CDH8: variants seen among roughly 807,000 people sequenced by gnomAD.
CDH8 encodes the protein cadherin-8.
CDH8 carries 17 observed loss-of-function variants against 68.1 expected under a neutral mutation model. The ratio of observed to expected loss-of-function variants is 0.25; its 90% CI spans 0.17 to 0.37. The LOEUF (loss-of-function observed/expected upper bound fraction) is 0.37, where lower values mean the gene tolerates loss of function less well. CDH8 is among the 10% of genes least tolerant of loss of function. CDH8 has a pLI of 1.00. For missense variants in CDH8, 763 were observed against 999.3 expected (o/e 0.76, Z 3.19); for synonymous variants, 372 against 365.1 (o/e 1.02, Z -0.21).
At chr16:61,903,068 AG>A (rs1964005131) in intron 2 of CDH8, among the ~76,000 whole-genome samples, 1 of 152,180 alleles carries the variant, frequency 6.6e-6, no homozygotes, top group Admixed American at 6.5e-5. Flanking sequence ...TTCACATACA[AG>A]GAGTTCTTGA....
intron 2 of CDH8, among the ~76,000 whole-genome samples, chr16:61,913,674 G>T (rs1964194657): frequency 6.6e-6 from 1 of 151,924 alleles, no homozygotes; most frequent in Non-Finnish European, 1.5e-5. Flanking sequence ...TTGAAATTTG[G>T]CTGAAAACTA....
chr16:61,791,220 G>C (rs1415530584), intron 7 of CDH8, among the ~76,000 whole-genome samples: 1 of 151,900 alleles, frequency 6.6e-6, no homozygotes, highest in African/African-American at 2.4e-5. Flanking sequence ...CAGGATAATT[G>C]AAGAAATTCA....
chr16:61,706,103 A>C (rs1471882811), intron 10 of CDH8, among the ~76,000 whole-genome samples: 1 of 152,208 alleles, frequency 6.6e-6, no homozygotes, highest in Non-Finnish European at 1.5e-5. Context: ...TGGGGAAAAC[A>C]TTCCTTGAGT....
intron 8 of CDH8, among the ~76,000 whole-genome samples, chr16:61,732,262 C>T (rs528419933): frequency 1.4e-4 from 21 of 151,596 alleles, no homozygotes; most frequent in Admixed American, 2.6e-4. Context: ...CTAAAACTTC[C>T]CCAACAAACT....
At chr16:61,735,516 T>C (rs747082589) in intron 8 of CDH8, among the ~76,000 whole-genome samples, 1 of 148,770 alleles carries the variant, frequency 6.7e-6, no homozygotes, top group Non-Finnish European at 1.5e-5. Context: ...CTTATTATTC[T>C]TCTATTCAGT....
At chr16:61,808,874 C>A (rs555116610) in intron 7 of CDH8, among the ~76,000 whole-genome samples, 1 of 152,074 alleles carries the variant, frequency 6.6e-6, no homozygotes. Context: ...AAAAGGATGA[C>A]GGTGGCTGTG....
chr16:61,957,884 T>G (rs1003991872), intron 2 of CDH8, among the ~76,000 whole-genome samples: 3 of 152,194 alleles, frequency 2.0e-5, no homozygotes, highest in African/African-American at 7.2e-5. Flanking sequence ...CATCTTTATA[T>G]TCCAAGAACC....
At chr16:61,922,051 C>T (rs1018260487) in intron 2 of CDH8, among the ~76,000 whole-genome samples, 4 of 151,974 alleles carry the variant, frequency 2.6e-5, no homozygotes, top group East Asian at 1.9e-4. Context: ...GAGGTCACAT[C>T]GATTCTAAGC....
chr16:62,015,004 AC>A lies in CDH8; in HGVS notation c.252+6147del, dbSNP rs1201011423. ...TGAGCCAAAAATCGATGTTACATATACCCCCCCACCACAAACACACACACAC... is the reference window on the plus strand; with the variant it reads ...TGAGCCAAAAATCGATGTTACATATACCCCCCACCACAAACACACACACAC... On this transcript the variant is annotated intron_variant, in intron 2 of 11. Transcript: ENST00000577390. 4.6e-5 allele frequency among the ~76,000 whole-genome samples: 7 copies of A among 151,604 alleles called. No individual in the cohort carries two copies. The East Asian group carries it at 9.7e-4, about 21-fold the overall frequency.
chr16:62,026,444 C>G (rs1022203570), intron 1 of CDH8, among the ~76,000 whole-genome samples: 1 of 152,118 alleles, frequency 6.6e-6, no homozygotes, highest in African/African-American at 2.4e-5. Flanking sequence ...AAGACCAGCT[C>G]GCAGCTCAGA....
At chr16:61,681,883 G>A (rs559102639) in intron 10 of CDH8, among the ~76,000 whole-genome samples, 3 of 151,934 alleles carry the variant, frequency 2.0e-5, no homozygotes, top group Non-Finnish European at 4.4e-5. Flanking sequence ...ACAATAGCTG[G>A]CATCTGAGGA....
chr16:61,773,243 C>T (rs1960823172), intron 8 of CDH8, among the ~76,000 whole-genome samples: 1 of 152,062 alleles, frequency 6.6e-6, no homozygotes, highest in South Asian at 2.1e-4. Context: ...ACAGAGAACA[C>T]TGTCTATCCC....
At chr16:61,768,364 CTCTCCCTT>C (rs1960672783) in intron 8 of CDH8, among the ~76,000 whole-genome samples, 8 of 104,568 alleles carry the variant, frequency 7.7e-5, no homozygotes, top group South Asian at 3.3e-4. Context: ...CTCTCTCTCT[CTCTCCCTT>C]TCTCTCTCTC....
chr16:62,006,985 G>A (rs143370642), intron 2 of CDH8, among the ~76,000 whole-genome samples: 14 of 150,930 alleles, frequency 9.3e-5, no homozygotes, highest in African/African-American at 1.7e-4. Flanking sequence ...TTGGCTCACC[G>A]CAACCTCCAC....
intron 8 of CDH8, among the ~76,000 whole-genome samples, chr16:61,746,930 C>T (rs894428417): frequency 1.8e-4 from 27 of 152,050 alleles, no homozygotes; most frequent in East Asian, 1.9e-4. Flanking sequence ...TCAAGATGAA[C>T]GATTAGCAGA....
rs746683292 is a variant in CDH8 at position 61,727,141 on chromosome 16, C to T, written c.1489G>A (p.Ala497Thr). The part of the protein sequence containing the change: ...LDVNDNAPEF[A>T]SEYEAFLCEN... ...CATAAAAATGCCTCATATTCGGATG[C>T]GAATTCAGGGGCGTTGTCATTGACA... Residue 497 changes from alanine to threonine, a missense_variant, in exon 9 of 12, where the codon GCA (alanine) becomes ACA (threonine). Around this residue, in one of 2 missense-constraint regions of CDH8, gnomAD observed 397 missense variants for 436.2 expected, o/e 0.91. Coordinates refer to ENST00000577390, the MANE Select transcript of CDH8 (RefSeq NM_001796.5). 2.3e-5 allele frequency: 37 copies of T among 1,610,378 alleles called. 1 individual carries two copies. In the Middle Eastern group the frequency reaches 4.9e-4, roughly 22 times the overall value.
intron 1 of CDH8, among the ~76,000 whole-genome samples, chr16:62,035,515 C>T (rs1456458425): frequency 3.9e-5 from 6 of 152,180 alleles, no homozygotes; most frequent in Non-Finnish European, 1.5e-5. Context: ...GGGAAAGCCT[C>T]GCGCTGGGGC....
chr16:61,951,034 C>T (rs948166377), intron 2 of CDH8, among the ~76,000 whole-genome samples: 1 of 151,888 alleles, frequency 6.6e-6, no homozygotes, highest in Non-Finnish European at 1.5e-5. Context: ...CACTTACCCC[C>T]GAACCTAAAA....
intron 3 of CDH8, among the ~76,000 whole-genome samples, chr16:61,859,301 G>A (rs1178106072): frequency 6.6e-6 from 1 of 152,150 alleles, no homozygotes; most frequent in Non-Finnish European, 1.5e-5. Flanking sequence ...AGAATTGGGA[G>A]TAAAACCTTC....
Sources: gnomAD v4.1 joint callset for allele counts (sites outside exome capture counted in the v4.1 genomes callset) on GRCh38, gnomAD v4.1.1 for gene constraint, gnomAD v4.1.1 regional missense constraint, MANE v1.5 for transcripts, NCBI Gene and HGNC (gene_info 2026-07-23, HGNC 2026-07-21) for gene names.